The following MKLN1 variants were observed in gnomAD, a reference collection of about 807,000 sequenced individuals.
MKLN1 encodes muskelin.
Under a neutral mutation model 99.0 loss-of-function variants are expected in MKLN1, and 18 were observed. The observed-to-expected ratio is 0.18, with a 90% CI of 0.13 to 0.27. The LOEUF is 0.27. MKLN1 is among the 10% of genes least tolerant of loss of function. The probability of loss-of-function intolerance (pLI) is 1.00; values close to 1 mark genes in which losing one functional copy is unlikely to be tolerated. For synonymous variants in MKLN1, 288 were observed against 293.2 expected (o/e 0.98, Z 0.18); for missense variants, 621 against 875.9 (o/e 0.71, Z 3.67).
chr7:131,277,774 A>G (rs1797995866), intron 3 of MKLN1, among the ~76,000 whole-genome samples: 3 of 152,148 alleles, frequency 2.0e-5, no homozygotes, highest in Non-Finnish European at 4.4e-5. Context: ...GCATTTAAAT[A>G]TTTGTCTTTT....
chr7:131,367,806 T>A (rs1800225477), intron 1 of MKLN1, among the ~76,000 whole-genome samples: 1 of 152,194 alleles, frequency 6.6e-6, no homozygotes, highest in African/African-American at 2.4e-5. Context: ...TTAGCAGTCA[T>A]TGAAATACTC....
At chr7:131,392,820 G>T (rs1039483355) in intron 4 of MKLN1, among the ~76,000 whole-genome samples, 1 of 151,956 alleles carries the variant, frequency 6.6e-6, no homozygotes, top group East Asian at 1.9e-4. Context: ...GGTCAGACTG[G>T]TCTTGAACTC....
rs970394762 is a variant in MKLN1 at position 131,295,286 on chromosome 7, C to T, written c.-178-80138C>T. 2.6e-5 allele frequency among the ~76,000 whole-genome samples: 4 copies of T among 152,112 alleles called. 1 individual carries two copies. In the South Asian group the frequency reaches 8.3e-4, roughly 31 times the overall value. On this transcript the variant is annotated intron_variant, in intron 3 of 7. Transcript: ENST00000416992. ...TCTCTCAAAGTGCTGGGATTATGGG[C>T]ATGAGCCACCATGCCCAGCCAAGAG...
At chr7:131,354,528 A>G (rs966073835) in intron 1 of MKLN1, among the ~76,000 whole-genome samples, 3 of 151,512 alleles carry the variant, frequency 2.0e-5, no homozygotes, top group African/African-American at 7.3e-5. Flanking sequence ...GGGGGGCGTA[A>G]ATCTTGTGGG....
chr7:131,443,507 GATCT>G lies in MKLN1; in HGVS notation c.1202_1205del (p.Ile401ThrfsTer8). On this transcript the variant is annotated frameshift_variant, in exon 11 of 18. Transcript: ENST00000352689. LOFTEE classifies it high-confidence loss of function. The stretch of plus-strand genomic sequence containing the variant: ...TGTGTATGGACTCAGAAAAACATAT[GATCT>G]ACACTTTTGGTGGTAGAATTTTGAC... 1 of 1,612,746 alleles carries G rather than the reference GATCT, an allele frequency of 6.2e-7. No homozygotes were observed. Among genetic ancestry groups the G allele is most frequent in the Non-Finnish European group, 8.5e-7 (1 of 1,179,184 alleles).
intron 1 of MKLN1, among the ~76,000 whole-genome samples, chr7:131,358,625 G>A (rs570621345): frequency 1.4e-4 from 22 of 152,180 alleles, no homozygotes; most frequent in African/African-American, 5.3e-4. Flanking sequence ...TTCTTTAAAT[G>A]TTTGGTAGAA....
intron 2 of MKLN1, among the ~76,000 whole-genome samples, chr7:131,176,863 A>C (rs550531145): frequency 3.2e-4 from 48 of 152,368 alleles, no homozygotes; most frequent in African/African-American, 1.1e-3. Flanking sequence ...TCCAATGGGA[A>C]ACAGTGACAG....
chr7:131,165,439 C>A (rs917403294), intron 2 of MKLN1, among the ~76,000 whole-genome samples: 3 of 152,292 alleles, frequency 2.0e-5, no homozygotes, highest in Admixed American at 6.5e-5. Flanking sequence ...CCCGCCTCGG[C>A]CTTCCAAAGT....
At chr7:131,160,489 A>AT (rs1468388064) in intron 2 of MKLN1, among the ~76,000 whole-genome samples, 1,892 of 128,036 alleles carry the variant, frequency 0.015, 22 homozygotes, top group Middle Eastern at 0.038. Context: ...TATTATTATT[A>AT]TTAATTATTA....
chr7:131,128,930 G>A (rs1199326969), intron 1 of MKLN1, among the ~76,000 whole-genome samples: 2 of 147,098 alleles, frequency 1.4e-5, no homozygotes, highest in Admixed American at 1.4e-4. Context: ...GTAGAGACAG[G>A]ATCTTGCTCT....
At chr7:131,201,927 T>C (rs1796733651) in intron 2 of MKLN1, among the ~76,000 whole-genome samples, 1 of 152,200 alleles carries the variant, frequency 6.6e-6, no homozygotes, top group South Asian at 2.1e-4. Flanking sequence ...TGACACTTTA[T>C]CTTATGCTTT....
At chr7:131,481,673 C>T (rs1032198857) in intron 17 of MKLN1, among the ~76,000 whole-genome samples, 2 of 151,924 alleles carry the variant, frequency 1.3e-5, no homozygotes, top group African/African-American at 4.8e-5. Context: ...AGGTTTCATG[C>T]CTATTTAGAG....
chr7:131,226,650 G>T (rs1452715021), intron 3 of MKLN1, among the ~76,000 whole-genome samples: 2 of 152,192 alleles, frequency 1.3e-5, no homozygotes, highest in South Asian at 2.1e-4. Context: ...GATTGTATTT[G>T]TTGTCCCAGG....
chr7:131,388,789 G>A (rs192284171), intron 3 of MKLN1, 95 bp from the exon 4 acceptor site: 58 of 752,060 alleles, frequency 7.7e-5, no homozygotes, highest in Non-Finnish European at 1.0e-4. Context: ...TTGAGCATGA[G>A]TTTAAACTTA....
intron 2 of MKLN1, among the ~76,000 whole-genome samples, chr7:131,171,644 G>A (rs1466128835): frequency 6.6e-6 from 1 of 152,052 alleles, no homozygotes; most frequent in Non-Finnish European, 1.5e-5. Flanking sequence ...TTTTGGTGGA[G>A]ACAGGGTTTC....
intron 4 of MKLN1, among the ~76,000 whole-genome samples, chr7:131,396,112 G>C (rs187330979): frequency 1.7e-3 from 259 of 151,834 alleles, no homozygotes; most frequent in African/African-American, 6.1e-3. Flanking sequence ...TTATTCTGTC[G>C]CCCAGGCTGG....
chr7:131,475,335 C>T (rs1303413547), intron 16 of MKLN1, among the ~76,000 whole-genome samples: 1 of 152,054 alleles, frequency 6.6e-6, no homozygotes, highest in Non-Finnish European at 1.5e-5. Context: ...TCCATATCTA[C>T]TACAGAGATT....
chr7:131,432,412 T>C (rs1795552025), intron 9 of MKLN1, among the ~76,000 whole-genome samples: 1 of 152,172 alleles, frequency 6.6e-6, no homozygotes, highest in Non-Finnish European at 1.5e-5. Flanking sequence ...TGGAAAAATA[T>C]AGAGATTATT....
At chr7:131,302,047 TG>T (rs1173777402) in intron 3 of MKLN1, among the ~76,000 whole-genome samples, 1 of 152,234 alleles carries the variant, frequency 6.6e-6, no homozygotes, top group Non-Finnish European at 1.5e-5. Flanking sequence ...TGTAGGAGGA[TG>T]GGATTCTTTC....
Sources: allele counts gnomAD v4.1 joint callset (sites outside exome capture counted in the v4.1 genomes callset), GRCh38; gene constraint gnomAD v4.1.1; transcripts MANE v1.5; gene names NCBI Gene and HGNC (gene_info 2026-07-23, HGNC 2026-07-21).